MLLT1: variants seen among roughly 807,000 people sequenced by gnomAD.
MLLT1 encodes protein ENL.
A neutral mutation model predicts 55.1 loss-of-function variants in MLLT1; 11 were observed. The observed-to-expected ratio is 0.20, with a 90% CI of 0.13 to 0.33. The LOEUF (loss-of-function observed/expected upper bound fraction) is 0.33, where lower values mean the gene tolerates loss of function less well. Ranked by LOEUF, MLLT1 falls within the 10% of genes least tolerant of loss-of-function variation. The pLI is 1.00. For synonymous variants in MLLT1, 323 were observed against 320.1 expected, an observed-to-expected ratio of 1.01 and a Z score of -0.10; for missense variants, 536 against 760.6, an observed-to-expected ratio of 0.70 and a Z score of 3.47.
chr19:6,254,401 C>T (rs1043380964), intron 3 of MLLT1, among the ~76,000 whole-genome samples: 4 of 152,162 alleles, frequency 2.6e-5, no homozygotes, highest in Admixed American at 1.3e-4. Context: ...TTCTGTGAGC[C>T]GTTATAGAGA....
chr19:6,258,980 A>G (rs1403925632), intron 3 of MLLT1, among the ~76,000 whole-genome samples: 1 of 152,164 alleles, frequency 6.6e-6, no homozygotes. Flanking sequence ...CTCCCTCTTA[A>G]TCTTCCTGAT....
At chr19:6,251,788 A>G (rs2091217067) in intron 3 of MLLT1, among the ~76,000 whole-genome samples, 7 of 151,914 alleles carry the variant, frequency 4.6e-5, no homozygotes, top group Admixed American at 4.6e-4. Context: ...AAAAAGAAAG[A>G]AAGAATGAAC....
At chr19:6,254,461 C>G (rs1459022443) in intron 3 of MLLT1, among the ~76,000 whole-genome samples, 5 of 152,212 alleles carry the variant, frequency 3.3e-5, no homozygotes, top group Non-Finnish European at 5.9e-5. Flanking sequence ...CGGTTGAGTA[C>G]AGGTGGCAGT....
At position 6,231,770 on chromosome 19, in the gene MLLT1, G is replaced by A. The variant is rs902531224; in HGVS notation, c.277-1057C>T. 3.4e-4 allele frequency among the ~76,000 whole-genome samples: 51 copies of A among 152,072 alleles called. No individual in the cohort carries two copies. Among genetic ancestry groups the A allele is most frequent in the Non-Finnish European group, 6.2e-4 (42 of 67,986 alleles). On this transcript the variant is annotated intron_variant, in intron 3 of 11. Coordinates refer to ENST00000252674, the MANE Select transcript of MLLT1 (RefSeq NM_005934.4). The surrounding 1 kb of genome is among the most constrained non-coding windows in gnomAD (Gnocchi z 5.1). ...CCCGCCTCAGCCTCCCAAAGTGCTG[G>A]GATTACAGGTGTGAGCCACCGCGCC...
rs191651494 is a variant in MLLT1, at chr19:6,235,365, C to A, written c.277-4652G>T. On this transcript the variant is annotated intron_variant, in intron 3 of 11. Coordinates refer to ENST00000252674, the MANE Select transcript of MLLT1 (RefSeq NM_005934.4). The surrounding 1 kb of genome is among the most constrained non-coding windows in gnomAD (Gnocchi z 5.5). ...TGCCTCCTAGGCCTCAGGTTCCTCA[C>A]GGGCAGCATGGGGGGATTCGCTGCA... Among the ~76,000 whole-genome samples, 19 of 152,280 alleles carry A rather than the reference C, an allele frequency of 1.2e-4. No homozygotes were observed. In the East Asian group the frequency reaches 3.1e-3, roughly 25 times the overall value.
chr19:6,236,989 G>C (rs926188446), intron 3 of MLLT1, among the ~76,000 whole-genome samples: 1 of 152,258 alleles, frequency 6.6e-6, no homozygotes, highest in Non-Finnish European at 1.5e-5. Flanking sequence ...ACGAGCCAGC[G>C]TCTCTCTGGC....
At chr19:6,246,851 A>C (rs1040692629) in intron 3 of MLLT1, among the ~76,000 whole-genome samples, 3 of 152,190 alleles carry the variant, frequency 2.0e-5, no homozygotes, top group African/African-American at 7.2e-5. Flanking sequence ...GCATGACATG[A>C]CCACCCCAGG....
intron 3 of MLLT1, among the ~76,000 whole-genome samples, chr19:6,255,228 C>T (rs2091248430): frequency 6.6e-6 from 1 of 152,230 alleles, no homozygotes; most frequent in Non-Finnish European, 1.5e-5. Context: ...CACAGTGGCT[C>T]ATGCCTGTAA....
rs892396906 is a variant in MLLT1 at position 6,211,064 on chromosome 19, TC to T, written c.*1977del. ...AGTCGCTGTGTGGATTTTGGGGGACTCCTGCGAAGGAGAAAGGCCAGCACCC... is the reference window on the plus strand; with the variant it reads ...AGTCGCTGTGTGGATTTTGGGGGACTCTGCGAAGGAGAAAGGCCAGCACCC... On this transcript the variant is annotated 3_prime_UTR_variant, in exon 12 of 12. Transcript: ENST00000252674. The surrounding 1 kb of genome is among the most constrained non-coding windows in gnomAD (Gnocchi z 4.6). 2.6e-5 allele frequency: 6 copies of T among 231,500 alleles called. No individual in the cohort carries two copies. Among genetic ancestry groups the T allele is most frequent in the African/African-American group, 1.3e-4 (6 of 44,988 alleles). The allele number at this position is 231,500 out of a possible 1,614,324, so 14.3% of individuals were successfully genotyped here. A position where few individuals can be genotyped will look rare whatever the true frequency, so the allele number is the denominator to read the frequency against.
At chr19:6,239,411 T>C (rs2091094153) in intron 3 of MLLT1, among the ~76,000 whole-genome samples, 1 of 152,038 alleles carries the variant, frequency 6.6e-6, no homozygotes, top group South Asian at 2.1e-4. Flanking sequence ...GTCAGATAAA[T>C]GACAGCTGAC....
intron 3 of MLLT1, among the ~76,000 whole-genome samples, chr19:6,260,490 A>C (rs904041300): frequency 2.6e-5 from 4 of 152,210 alleles, no homozygotes; most frequent in African/African-American, 9.6e-5. Flanking sequence ...TGCCCCTACT[A>C]AGCAAGGATG....
At chr19:6,274,166 G>A (rs2091415471) in intron 1 of MLLT1, among the ~76,000 whole-genome samples, 1 of 152,240 alleles carries the variant, frequency 6.6e-6, no homozygotes, top group African/African-American at 2.4e-5. Context: ...CTGCACCCAG[G>A]GGACTGTGGA....
At chr19:6,246,995 C>T (rs1422180151) in intron 3 of MLLT1, among the ~76,000 whole-genome samples, 2 of 152,190 alleles carry the variant, frequency 1.3e-5, no homozygotes, top group South Asian at 2.1e-4. Context: ...TTCCGGGTAT[C>T]CTGGAATTAA....
At position 6,262,181 on chromosome 19, in the gene MLLT1, G is replaced by C. The variant is rs1248990018; in HGVS notation, c.276+47C>G. On this transcript the variant is annotated intron_variant, in intron 3 of 11. Transcript: ENST00000252674. This position sits in a 1 kb window ranked among gnomAD's most constrained non-coding sequence, Gnocchi z 4.4. ...TGAACTGCCGTGGCACCCGGAGCAG[G>C]GGTCCCCACAGAGAGGCATCCTGCT... 1.3e-6 allele frequency: 2 copies of C among 1,506,160 alleles called. No homozygotes were observed. The highest frequency in any genetic ancestry group is 2.7e-5 in the African/African-American group (2 of 72,790). The allele number at this position is 1,506,160 out of a possible 1,614,324, so 93.3% of individuals were successfully genotyped here.
At position 6,256,923 on chromosome 19, in the gene MLLT1, G is replaced by A. The variant is rs537451038; in HGVS notation, c.276+5305C>T. ...TTTCAACAACGCTCTAACACCACTC[G>A]ATGGCGAAAGAACAGTCTCTTCAGT... On this transcript the variant is annotated intron_variant, in intron 3 of 11. Coordinates refer to ENST00000252674, the MANE Select transcript of MLLT1 (RefSeq NM_005934.4). This position sits in a 1 kb window ranked among gnomAD's most constrained non-coding sequence, Gnocchi z 4.1. Among the ~76,000 whole-genome samples the A allele has an allele frequency of 3.9e-5, 6 of 152,232 alleles. No homozygotes were observed. Among genetic ancestry groups the A allele is most frequent in the East Asian group, 1.9e-4 (1 of 5,188 alleles).
Position 6,212,460 on chromosome 19 carries a change from T to C in MLLT1, c.*582A>G. On this transcript the variant is annotated 3_prime_UTR_variant, in exon 12 of 12. Coordinates refer to ENST00000252674, the MANE Select transcript of MLLT1 (RefSeq NM_005934.4). Reference sequence around the variant, plus strand: ...CTGCCACAGAAACGCACATGGACACTGCTCTTGACCAGACAGTGCACACAC... The same window carrying C: ...CTGCCACAGAAACGCACATGGACACCGCTCTTGACCAGACAGTGCACACAC... 2.8e-6 allele frequency: 3 copies of C among 1,065,786 alleles called. No homozygotes were observed. Among genetic ancestry groups the C allele is most frequent in the Non-Finnish European group, 3.4e-6 (3 of 879,670 alleles). The allele number at this position is 1,065,786 out of a possible 1,614,324, so 66.0% of individuals were successfully genotyped here.
At chr19:6,213,269 C>A in intron 11 of MLLT1, 68 bp downstream of exon 11, 2 of 1,605,834 alleles carry the variant, frequency 1.2e-6, no homozygotes, top group Non-Finnish European at 1.7e-6. Context: ...GCACCAGGGG[C>A]CCCCGCAGCC....
intron 6 of MLLT1, among the ~76,000 whole-genome samples, chr19:6,218,841 G>A (rs991992946): frequency 6.6e-6 from 1 of 152,218 alleles, no homozygotes; most frequent in African/African-American, 2.4e-5. Flanking sequence ...CTGCCAATGA[G>A]CTCATCCCAA....
Position 6,222,712 on chromosome 19 carries a change from G to T in MLLT1, c.547-28C>A, listed in dbSNP as rs2090914858. 2.7e-6 allele frequency: 4 copies of T among 1,496,802 alleles called. No individual in the cohort carries two copies. The highest frequency in any genetic ancestry group is 3.5e-6 in the Non-Finnish European group (4 of 1,127,264). The allele number at this position is 1,496,802 out of a possible 1,614,324, so 92.7% of individuals were successfully genotyped here. On this transcript the variant is annotated intron_variant, in intron 5 of 11. Coordinates refer to ENST00000252674, the MANE Select transcript of MLLT1 (RefSeq NM_005934.4). This position sits in a 1 kb window ranked among gnomAD's most constrained non-coding sequence, Gnocchi z 4.1. ...GCAAGGCCAAGAGCAGGGAGGGCAA[G>T]GGGAGAGACAAGGTCACGTGGCATT...
Sources: allele counts gnomAD v4.1 joint callset (sites outside exome capture counted in the v4.1 genomes callset), GRCh38; gene constraint gnomAD v4.1.1; non-coding constraint Gnocchi (gnomAD v3.1); transcripts MANE v1.5; gene names NCBI Gene and HGNC (gene_info 2026-07-23, HGNC 2026-07-21).